GABRG3: variants seen among roughly 807,000 people sequenced by gnomAD.
GABRG3 encodes gamma-aminobutyric acid receptor subunit gamma-3.
GABRG3 carries 25 observed loss-of-function variants against 48.8 expected under a neutral mutation model. That is an observed-to-expected ratio of 0.51 (90% CI 0.37 to 0.72). GABRG3 has a LOEUF of 0.72. Among genes scored for constraint, GABRG3 ranks in the 30% least tolerant of loss-of-function variants. GABRG3 has a pLI of 0.00. For missense variants in GABRG3, 394 were observed against 577.9 expected (o/e 0.68, Z 3.26); for synonymous variants, 227 against 217.6 (o/e 1.04, Z -0.38).
intron 3 of GABRG3, among the ~76,000 whole-genome samples, chr15:27,226,553 G>A (rs912348459): frequency 6.6e-6 from 1 of 151,738 alleles, no homozygotes; most frequent in Non-Finnish European, 1.5e-5. Context: ...CCTGCTCCCG[G>A]CCTGAGCCAC....
At chr15:27,413,945 T>C (rs1409899811) in intron 5 of GABRG3, among the ~76,000 whole-genome samples, 1 of 152,200 alleles carries the variant, frequency 6.6e-6, no homozygotes. Flanking sequence ...CTGTTAGGTC[T>C]CTGATTTATT....
intron 3 of GABRG3, among the ~76,000 whole-genome samples, chr15:27,182,981 C>G (rs1421137280): frequency 6.6e-6 from 1 of 152,210 alleles, no homozygotes; most frequent in Middle Eastern, 3.2e-3. Context: ...GAACATAAAA[C>G]TTCTGCTTTT....
chr15:27,451,942 G>A (rs547031106), intron 5 of GABRG3, among the ~76,000 whole-genome samples: 6 of 152,326 alleles, frequency 3.9e-5, no homozygotes, highest in Admixed American at 6.5e-5. Flanking sequence ...TACAAATGTA[G>A]TAAAATGTTG....
chr15:27,308,460 C>CATGTTTATATATAAACATATAT (rs1234697573), intron 3 of GABRG3, among the ~76,000 whole-genome samples: 3 of 144,512 alleles, frequency 2.1e-5, no homozygotes, highest in Admixed American at 6.9e-5. Flanking sequence ...TGCAAACATA[C>CATGTTTATATATAAACATATAT]ATGTTTATAT....
At chr15:27,047,975 G>A (rs11636286) in intron 3 of GABRG3, among the ~76,000 whole-genome samples, 38,166 of 152,158 alleles carry the variant, frequency 0.25, 4,994 homozygotes, top group Middle Eastern at 0.37. Flanking sequence ...AATCAGATGA[G>A]CAGGGGTCCC....
chr15:27,273,948 A>G (rs1891170915), intron 3 of GABRG3, among the ~76,000 whole-genome samples: 2 of 152,200 alleles, frequency 1.3e-5, no homozygotes, highest in South Asian at 2.1e-4. Flanking sequence ...TGAAGAGGTT[A>G]TAGTCAAGCT....
At chr15:27,137,945 C>A (rs571916122) in intron 3 of GABRG3, among the ~76,000 whole-genome samples, 1 of 152,264 alleles carries the variant, frequency 6.6e-6, no homozygotes, top group Non-Finnish European at 1.5e-5. Flanking sequence ...GGATTTGACA[C>A]CCATGCACCC....
intron 6 of GABRG3, among the ~76,000 whole-genome samples, chr15:27,501,487 T>C (rs1218172200): frequency 6.6e-6 from 1 of 152,118 alleles, no homozygotes; most frequent in African/African-American, 2.4e-5. Context: ...AGAGATGTTT[T>C]AAGCCCTTCT....
chr15:27,397,155 G>C (rs1887326057), intron 5 of GABRG3, among the ~76,000 whole-genome samples: 1 of 152,072 alleles, frequency 6.6e-6, no homozygotes, highest in South Asian at 2.1e-4. Flanking sequence ...GAATCTGACT[G>C]TATTATAAGT....
chr15:27,393,582 C>T (rs1887213712), intron 5 of GABRG3, among the ~76,000 whole-genome samples: 1 of 152,140 alleles, frequency 6.6e-6, no homozygotes, highest in Non-Finnish European at 1.5e-5. Flanking sequence ...ATTCTAGCCT[C>T]CTCCCTTGTT....
At chr15:27,199,945 C>G (rs1016092980) in intron 3 of GABRG3, among the ~76,000 whole-genome samples, 1 of 151,072 alleles carries the variant, frequency 6.6e-6, no homozygotes, top group Non-Finnish European at 1.5e-5. Context: ...TCATCCTTCT[C>G]TCTTTCCTGT....
chr15:27,492,962 T>C (rs1890390728), intron 6 of GABRG3, among the ~76,000 whole-genome samples: 1 of 152,236 alleles, frequency 6.6e-6, no homozygotes, highest in Non-Finnish European at 1.5e-5. Context: ...TCTTCTGTAT[T>C]GTTTTATGTG....
At chr15:27,154,115 C>G (rs1898373377) in intron 3 of GABRG3, among the ~76,000 whole-genome samples, 1 of 152,100 alleles carries the variant, frequency 6.6e-6, no homozygotes, top group Admixed American at 6.6e-5. Context: ...CTTTTGGCTT[C>G]CTTAAGAATC....
At chr15:27,021,128 A>G (rs928991379) in intron 2 of GABRG3, among the ~76,000 whole-genome samples, 14 of 152,228 alleles carry the variant, frequency 9.2e-5, no homozygotes, top group African/African-American at 3.4e-4. Flanking sequence ...TTTATAGACT[A>G]TATAAATGTA....
chr15:27,313,518 C>T (rs574316902), intron 3 of GABRG3, among the ~76,000 whole-genome samples: 85 of 151,182 alleles, frequency 5.6e-4, no homozygotes, highest in African/African-American at 2.0e-3. Context: ...TTCCACCCAA[C>T]GGCAGCAGAA....
intron 5 of GABRG3, chr15:27,365,781 T>G (rs1054137498): frequency 6.6e-6 from 1 of 152,140 alleles, no homozygotes; most frequent in Non-Finnish European, 1.5e-5. Context: ...AGAACCAGAG[T>G]ACAAAGTCCT....
chr15:27,254,155 C>T (rs940905132), intron 3 of GABRG3, among the ~76,000 whole-genome samples: 5 of 152,142 alleles, frequency 3.3e-5, no homozygotes, highest in Non-Finnish European at 7.3e-5. Context: ...AATGCACTGG[C>T]GACAATGCAG....
intron 3 of GABRG3, among the ~76,000 whole-genome samples, chr15:27,172,554 C>T (rs1887608044): frequency 6.6e-6 from 1 of 152,310 alleles, no homozygotes; most frequent in Non-Finnish European, 1.5e-5. Flanking sequence ...CACTCTGCTG[C>T]CCACTTCCAC....
rs1314903457 is a variant in GABRG3 at position 27,541,023 on chromosome 15, G to A, written c.*8142G>A. 1.3e-5 allele frequency: 2 copies of A among 152,234 alleles called. No individual in the cohort carries two copies. The highest frequency in any genetic ancestry group is 4.8e-5 in the African/African-American group (2 of 41,434). 9.4% of individuals were successfully genotyped at this position (152,234 alleles called of 1,614,324 possible). A position where few individuals can be genotyped will look rare whatever the true frequency, so the allele number is the denominator to read the frequency against. ...GGAGAGGGAGAAAGAGAGGACAGAG[G>A]GAGAGAGAGAAAGTGGCAATCTGTA... On this transcript the variant is annotated 3_prime_UTR_variant, in exon 10 of 10. Transcript: ENST00000615808.
Sources: allele counts gnomAD v4.1 joint callset (sites outside exome capture counted in the v4.1 genomes callset), GRCh38; gene constraint gnomAD v4.1.1; transcripts MANE v1.5; gene names NCBI Gene and HGNC (gene_info 2026-07-23, HGNC 2026-07-21).